SVOPL: variants seen among roughly 807,000 people sequenced by gnomAD.
The protein encoded by SVOPL is SVOP like, also known as putative transporter SVOPL.
Under a neutral mutation model 61.0 loss-of-function variants are expected in SVOPL, and 60 were observed. That is an observed-to-expected ratio of 0.98 (90% CI 0.80 to 1.22). The LOEUF (loss-of-function observed/expected upper bound fraction) is 1.22, where lower values mean the gene tolerates loss of function less well. SVOPL is among the 50% of genes most tolerant of loss of function. SVOPL has a pLI of 0.00. For missense variants in SVOPL, 662 were observed against 643.9 expected, an observed-to-expected ratio of 1.03 and a Z score of -0.30; for synonymous variants, 279 against 250.0, an observed-to-expected ratio of 1.12 and a Z score of -1.09.
intron 14 of SVOPL, among the ~76,000 whole-genome samples, chr7:138,605,908 T>C (rs1309800972): frequency 6.6e-6 from 1 of 152,194 alleles, no homozygotes; most frequent in East Asian, 1.9e-4. Context: ...CTCTTGCATG[T>C]GCAATTCCAT....
chr7:138,622,218 CTATG>C (rs1374970792), intron 13 of SVOPL, among the ~76,000 whole-genome samples: 37 of 30,788 alleles, frequency 1.2e-3, no homozygotes, highest in Middle Eastern at 0.017. Flanking sequence ...ATCTATCTAT[CTATG>C]TATCTATCTA....
chr7:138,689,575 A>C (rs546071485), intron 1 of SVOPL: 5 of 467,934 alleles, frequency 1.1e-5, no homozygotes, highest in Non-Finnish European at 1.1e-5. Flanking sequence ...AAAAAAAAAA[A>C]AGGGCCAGAT....
At chr7:138,676,899 CTTTTTTTT>C (rs1191279496) in intron 3 of SVOPL, among the ~76,000 whole-genome samples, 1 of 112,820 alleles carries the variant, frequency 8.9e-6, no homozygotes, top group Admixed American at 9.5e-5. Context: ...CTTGGGGTTC[CTTTTTTTT>C]TTTTTTTTTT....
intron 3 of SVOPL, among the ~76,000 whole-genome samples, chr7:138,678,189 A>G (rs61363107): frequency 5.3e-5 from 8 of 150,636 alleles, no homozygotes; most frequent in African/African-American, 2.0e-4. Flanking sequence ...CCCCTCCCCC[A>G]CCACTCCTGT....
chr7:138,663,633 C>G, intron 4 of SVOPL: 2 of 980,408 alleles, frequency 2.0e-6, no homozygotes, highest in East Asian at 1.1e-4. Context: ...ACTTCTTTTC[C>G]TTACTCGTTC....
chr7:138,643,045 C>T (rs1317875639), intron 9 of SVOPL, among the ~76,000 whole-genome samples: 4 of 151,996 alleles, frequency 2.6e-5, no homozygotes, highest in African/African-American at 9.7e-5. Flanking sequence ...CTGTAGAACA[C>T]AGTATGGTGA....
intron 9 of SVOPL, among the ~76,000 whole-genome samples, chr7:138,644,442 A>G (rs1057467768): frequency 9.8e-5 from 15 of 152,290 alleles, no homozygotes; most frequent in African/African-American, 3.6e-4. Context: ...ACAATCTCCC[A>G]TCTATTGACA....
chr7:138,662,514 G>A (rs1215780323), intron 5 of SVOPL: 3 of 985,590 alleles, frequency 3.0e-6, no homozygotes, highest in Non-Finnish European at 3.6e-6. Context: ...TGAGCTTGCT[G>A]TTGCAGCAGT....
chr7:138,632,649 G>A (rs1213073426), intron 9 of SVOPL, among the ~76,000 whole-genome samples: 1 of 151,536 alleles, frequency 6.6e-6, no homozygotes, highest in Non-Finnish European at 1.5e-5. Flanking sequence ...GAGGGAGGAG[G>A]CCAGACAGGG....
At chr7:138,697,690 GAAGAAGAGGAAGAAGGAT>G (rs1192479946) in intron 1 of SVOPL, among the ~76,000 whole-genome samples, 1 of 147,992 alleles carries the variant, frequency 6.8e-6, no homozygotes, top group Admixed American at 6.8e-5. Context: ...AGAAGAGGAA[GAAGAAGAGGAAGAAGGAT>G]AAGAAGAGGA....
rs111254302 is a variant in SVOPL at position 138,634,483 on chromosome 7, GAA to G, written c.790-4363_790-4362del. Reference sequence around the variant, plus strand: ...GTGAGACCCCGTCGCTACAAAATAAGAAAAAAAAAAAAAAATTAGCCAGGTGT... The same window carrying G: ...GTGAGACCCCGTCGCTACAAAATAAGAAAAAAAAAAAAATTAGCCAGGTGT... On this transcript the variant is annotated intron_variant, in intron 9 of 15. Coordinates refer to ENST00000674285, the MANE Select transcript of SVOPL (RefSeq NM_001139456.2). Among the ~76,000 whole-genome samples, 681 of 136,764 alleles carry G rather than the reference GAA, an allele frequency of 5.0e-3. 3 individuals carry two copies. The highest frequency in any genetic ancestry group is 0.017 in the African/African-American group (639 of 37,974). The allele number at this position is 136,764 out of a possible 152,430, so 89.7% of individuals were successfully genotyped here.
chr7:138,654,187 G>GAAAT (rs914265934), intron 7 of SVOPL, among the ~76,000 whole-genome samples: 102 of 148,546 alleles, frequency 6.9e-4, no homozygotes, highest in African/African-American at 2.5e-3. Context: ...ACACTCAGAA[G>GAAAT]AAATAAGTCC....
chr7:138,631,815 C>T (rs191184595), intron 9 of SVOPL, among the ~76,000 whole-genome samples: 4 of 152,014 alleles, frequency 2.6e-5, no homozygotes, highest in African/African-American at 7.3e-5. Flanking sequence ...GTGATCCACC[C>T]GCCTTGGCCT....
At chr7:138,624,700 T>C (rs1010496607) in intron 13 of SVOPL, among the ~76,000 whole-genome samples, 2 of 142,866 alleles carry the variant, frequency 1.4e-5, no homozygotes, top group African/African-American at 4.9e-5. Flanking sequence ...AAACTTTTTT[T>C]TTTTTTTTTA....
rs906414584 is a variant in SVOPL, at chr7:138,691,327, T to C, written c.-35+9851A>G. 5.9e-5 allele frequency among the ~76,000 whole-genome samples: 9 copies of C among 152,176 alleles called. 1 individual carries two copies. Among genetic ancestry groups the C allele is most frequent in the African/African-American group, 2.2e-4 (9 of 41,446 alleles). On this transcript the variant is annotated intron_variant, in intron 1 of 15. Coordinates refer to ENST00000674285, the MANE Select transcript of SVOPL (RefSeq NM_001139456.2). The stretch of plus-strand genomic sequence containing the variant: ...CTAAAATGCTTAACAATGAGTTCAG[T>C]CTTCAGTCAACATTAAATCTCTTCT...
In SVOPL at chr7:138,653,947, AAG is replaced by A. The variant is rs199641258; in HGVS notation, c.534+2499_534+2500del. 0.014 allele frequency among the ~76,000 whole-genome samples: 2,066 copies of A among 143,572 alleles called. 82 individuals carry two copies. The East Asian group carries it at 0.17, about 12-fold the overall frequency. 94.2% of individuals were successfully genotyped at this position (143,572 alleles called of 152,430 possible). On this transcript the variant is annotated intron_variant, in intron 7 of 15. Transcript: ENST00000674285. ...GACTCTGTCTCAAAAAAAAAAAAAA[AAG>A]AAAAGAAAAGAAAAGAAAAGAAAAA...
chr7:138,630,003 C>T lies in SVOPL; in HGVS notation c.863+46G>A, dbSNP rs145890282. 2.3e-4 allele frequency: 353 copies of T among 1,506,568 alleles called. 3 individuals carry two copies. In the African/African-American group the frequency reaches 4.1e-3, roughly 18 times the overall value. The allele number at this position is 1,506,568 out of a possible 1,614,324, so 93.3% of individuals were successfully genotyped here. A position where few individuals can be genotyped will look rare whatever the true frequency, so the allele number is the denominator to read the frequency against. On this transcript the variant is annotated intron_variant, in intron 10 of 15. Coordinates refer to ENST00000674285, the MANE Select transcript of SVOPL (RefSeq NM_001139456.2). The stretch of plus-strand genomic sequence containing the variant: ...TAGATTTACTTAAATAGGCTTCCTC[C>T]CAATGCCTCTATTTAAAACTAGCTT...
intron 14 of SVOPL, among the ~76,000 whole-genome samples, chr7:138,612,662 C>G (rs143536046): frequency 0.01 from 1,558 of 152,012 alleles, 10 homozygotes; most frequent in Middle Eastern, 0.02. Flanking sequence ...ATTACAGGTG[C>G]CTGCCACCAT....
intron 4 of SVOPL, chr7:138,663,478 T>C (rs1802098188): frequency 1.1e-5 from 13 of 1,175,528 alleles, no homozygotes; most frequent in Non-Finnish European, 1.4e-5. Context: ...TGTCTGTTCA[T>C]GCGCTGCCTT....
Sources: gnomAD v4.1 joint callset for allele counts (sites outside exome capture counted in the v4.1 genomes callset) on GRCh38, gnomAD v4.1.1 for gene constraint, MANE v1.5 for transcripts, NCBI Gene and HGNC (gene_info 2026-07-23, HGNC 2026-07-21) for gene names.